The following FOXA1 variants were observed in gnomAD, a reference collection of about 807,000 sequenced individuals.
FOXA1 encodes forkhead box A1.
A neutral mutation model predicts 29.2 loss-of-function variants in FOXA1; 9 were observed. The ratio of observed to expected loss-of-function variants is 0.31; its 90% CI spans 0.19 to 0.54. The LOEUF is 0.54. Among genes scored for constraint, FOXA1 ranks in the 20% least tolerant of loss-of-function variants. The pLI, the probability that FOXA1 is intolerant of heterozygous loss-of-function variation, is 0.95. For synonymous variants in FOXA1, 340 were observed against 300.9 expected, an observed-to-expected ratio of 1.13 and a Z score of -1.34; for missense variants, 644 against 681.2, an observed-to-expected ratio of 0.95 and a Z score of 0.61.
chr14:37,593,310 G>A (rs982402588), intron 1 of FOXA1, among the ~76,000 whole-genome samples: 1 of 152,210 alleles, frequency 6.6e-6, no homozygotes, highest in Non-Finnish European at 1.5e-5. Context: ...ACTAAAAGTA[G>A]ATCCATAACA....
rs2095594872 is a variant in FOXA1 at position 37,590,999 on chromosome 14, C to T, written c.*366G>A. The T allele has an allele frequency of 2.5e-6, 1 of 406,114 alleles. No homozygotes were observed. The highest frequency in any genetic ancestry group is 4.1e-5 in the Admixed American group (1 of 24,412). The allele number at this position is 406,114 out of a possible 1,614,324, so 25.2% of individuals were successfully genotyped here. ...AATATTTTACAAACTTGACCATCTT[C>T]CTTTTTTGTTTTTTTAAATAACCCT... is the stretch of plus-strand genomic sequence containing the variant. On this transcript the variant is annotated 3_prime_UTR_variant, in exon 2 of 2. Transcript: ENST00000250448.
rs867473250 is a variant in FOXA1, at chr14:37,591,903, C to T, written c.881G>A (p.Arg294His). 1 of 1,464,860 alleles carries T rather than the reference C, an allele frequency of 6.8e-7. No individual in the cohort carries two copies. The highest frequency in any genetic ancestry group is 1.4e-5 in the African/African-American group (1 of 70,144). The allele number at this position is 1,464,860 out of a possible 1,614,324, so 90.7% of individuals were successfully genotyped here. ...GTTAGAGGCGCCAGAGGGGTCCTTGCGGCTCTCAGGGCCGCCCTTGGCGCC... is the reference window on the plus strand; with the variant it reads ...GTTAGAGGCGCCAGAGGGGTCCTTGTGGCTCTCAGGGCCGCCCTTGGCGCC... Reference protein sequence around the residue: ...GSGAKGGPESRKDPSGASNPS... With the variant: ...GSGAKGGPESHKDPSGASNPS... Residue 294 changes from arginine to histidine, a missense_variant, in exon 2 of 2, where the codon CGC (arginine) becomes CAC (histidine). Coordinates refer to ENST00000250448, the MANE Select transcript of FOXA1 (RefSeq NM_004496.5).
At chr14:37,592,845 G>T in intron 1 of FOXA1, 134 bp from the exon 2 acceptor site, 2 of 1,074,880 alleles carry the variant, frequency 1.9e-6, no homozygotes, top group Non-Finnish European at 2.8e-6. Context: ...CCCACCCGGG[G>T]CAAATGGCTA....
chr14:37,593,926 A>T, intron 1 of FOXA1: 1 of 432,514 alleles, frequency 2.3e-6, no homozygotes, highest in South Asian at 3.2e-5. Context: ...ATGAGAACAA[A>T]TAGATTTAAA....
chr14:37,595,081 C>T lies in FOXA1; in HGVS notation c.-109G>A. 1 of 870,374 alleles carries T rather than the reference C, an allele frequency of 1.1e-6. No homozygotes were observed. The highest frequency in any genetic ancestry group is 1.6e-6 in the Non-Finnish European group (1 of 612,492). The allele number at this position is 870,374 out of a possible 1,614,324, so 53.9% of individuals were successfully genotyped here. ...CTGAGCAGCTGCAGTCACCCGAGCG[C>T]CCGCGCGGGCCCAACGCCACCCGGG... On this transcript the variant is annotated 5_prime_UTR_variant, in exon 1 of 2. Coordinates refer to ENST00000250448, the MANE Select transcript of FOXA1 (RefSeq NM_004496.5).
At chr14:37,594,623 A>C in intron 1 of FOXA1, 5 of 191,434 alleles carry the variant, frequency 2.6e-5, no homozygotes, top group East Asian at 1.4e-4. Context: ...GCTGCTGGGA[A>C]GAGGCAAGCG....
rs141708256 is a variant in FOXA1, at chr14:37,592,547, G to A, written c.237C>T (p.Pro79=). The part of the protein sequence containing the change: ...ANPGLGAGLS[P]GAVAGMPGGS... The stretch of plus-strand genomic sequence containing the variant: ...CCCCCGGCATGCCGGCTACTGCGCC[G>A]GGACTCAGGCCGGCCCCTAGGCCCG... Residue 79 remains proline, a synonymous_variant, in exon 2 of 2, where the codon CCC becomes CCT. Transcript: ENST00000250448. The A allele has an allele frequency of 2.5e-6, 4 of 1,613,716 alleles. No individual in the cohort carries two copies. Among genetic ancestry groups the A allele is most frequent in the African/African-American group, 1.3e-5 (1 of 74,952 alleles).
At position 37,590,479 on chromosome 14, in the gene FOXA1, A is replaced by C. The variant is rs2095594526; in HGVS notation, c.*886T>G. 4.4e-6 allele frequency: 1 copy of C among 227,364 alleles called. No individual in the cohort carries two copies. Among genetic ancestry groups the C allele is most frequent in the African/African-American group, 2.2e-5 (1 of 45,056 alleles). The allele number at this position is 227,364 out of a possible 1,614,324, so 14.1% of individuals were successfully genotyped here. On this transcript the variant is annotated 3_prime_UTR_variant, in exon 2 of 2. Transcript: ENST00000250448. ...AATTTTATGTGTTATGTGACCTCAG[A>C]ATGACATGACCATGGCACTCTGCAA...
At position 37,591,700 on chromosome 14, in the gene FOXA1, AG is replaced by A; in HGVS notation, c.1083del (p.Ser362ProfsTer27). 1 of 1,582,046 alleles carries A rather than the reference AG, an allele frequency of 6.3e-7. No homozygotes were observed. The highest frequency in any genetic ancestry group is 8.6e-7 in the Non-Finnish European group (1 of 1,163,872). ...TPASSTAPPI[S>X]SGPGALASVP... The stretch of plus-strand genomic sequence containing the variant: ...ACAGAGGCCAGCGCCCCGGGCCCGG[AG>A]CTTATGGGGGGCGCAGTTGAGGAGG... On this transcript the variant is annotated frameshift_variant, in exon 2 of 2. Coordinates refer to ENST00000250448, the MANE Select transcript of FOXA1 (RefSeq NM_004496.5). LOFTEE classifies it high-confidence loss of function.
At chr14:37,593,048 A>C (rs1486722324) in intron 1 of FOXA1, among the ~76,000 whole-genome samples, 1 of 152,186 alleles carries the variant, frequency 6.6e-6, no homozygotes, top group African/African-American at 2.4e-5. Flanking sequence ...CGGTATCCCA[A>C]GTCTCCACCC....
In FOXA1 at chr14:37,591,544, T is replaced by C; in HGVS notation, c.1240A>G (p.Lys414Glu). The C allele has an allele frequency of 6.2e-7, 1 of 1,614,202 alleles. No individual in the cohort carries two copies. The highest frequency in any genetic ancestry group is 8.5e-7 in the Non-Finnish European group (1 of 1,180,030). Residue 414 changes from lysine to glutamate, a missense_variant, in exon 2 of 2, where the codon AAG becomes GAG. This residue lies in a region of FOXA1 where 295 missense variants were observed against 294.4 expected (regional missense o/e 1.00). Transcript: ENST00000250448. ...NLMSSSEQQH[K>E]LDFKAYEQAL... is the part of the protein sequence containing the mutation. ...TGTTCGTATGCCTTGAAGTCCAGCT[T>C]ATGCTGCTGCTCCGAGGAGGACATG...
Position 37,592,442 on chromosome 14 carries a change from G to T in FOXA1, c.342C>A (p.Gly114=), listed in dbSNP as rs372792640. 64 of 1,601,966 alleles carry T rather than the reference G, an allele frequency of 4.0e-5. No homozygotes were observed. The highest frequency in any genetic ancestry group is 4.8e-5 in the Non-Finnish European group (56 of 1,177,718). Residue 114 remains glycine, a synonymous_variant, in exon 2 of 2, where the codon GGC becomes GGA. Coordinates refer to ENST00000250448, the MANE Select transcript of FOXA1 (RefSeq NM_004496.5). ...MGTALSPSGM[G]AMGAQQAASM... ...AGGCCGCCTGCTGCGCACCCATGGC[G>T]CCCATGCCGCTCGGGCTCAGCGCCG...
intron 1 of FOXA1, chr14:37,593,933 T>C: frequency 2.1e-6 from 1 of 480,120 alleles, no homozygotes; most frequent in South Asian, 3.0e-5. Context: ...CAAATAGATT[T>C]AAATAGGAAC....
rs568122813 is a variant in FOXA1 at position 37,590,863 on chromosome 14, C to T, written c.*502G>A. On this transcript the variant is annotated 3_prime_UTR_variant, in exon 2 of 2. Transcript: ENST00000250448. ...TATTGTCTTTCAATACTTTTAAGAG[C>T]CTCTAGTGTATACTTGTTTCTTCAC... 10 of 274,902 alleles carry T rather than the reference C, an allele frequency of 3.6e-5. No homozygotes were observed. In the East Asian group the frequency reaches 5.4e-4, roughly 15 times the overall value. 17.0% of individuals were successfully genotyped at this position (274,902 alleles called of 1,614,324 possible).
chr14:37,592,654 T>C lies in FOXA1; in HGVS notation c.130A>G (p.Met44Val), dbSNP rs753616150. ...MNSGLGSMNS[M>V]NTYMTMNTMT... The stretch of plus-strand genomic sequence containing the variant: ...GTGTTCATGGTCATGTAGGTGTTCA[T>C]GGAGTTCATGGAGCCCAGGCCTGAG... The change falls in exon 2 of 2, where the codon ATG (methionine) becomes GTG (valine). Residue 44 changes from methionine (M) to valine (V), a missense_variant. Met to Val is a conservative substitution (Grantham distance 21). This residue lies in a region of FOXA1 where 309 missense variants were observed against 307.0 expected (regional missense o/e 1.01). Transcript: ENST00000250448. 8.1e-6 allele frequency: 13 copies of C among 1,614,036 alleles called. No homozygotes were observed. The Admixed American group carries it at 8.3e-5, about 10-fold the overall frequency.
At chr14:37,594,150 A>C (rs1346188396) in intron 1 of FOXA1, 4 of 1,288,526 alleles carry the variant, frequency 3.1e-6, no homozygotes, top group South Asian at 1.2e-5. Context: ...AATAATGGTA[A>C]TTAAACTTTT....
In FOXA1 at chr14:37,595,151, G is replaced by T. The variant is rs527938833; in HGVS notation, c.-179C>A. The T allele has an allele frequency of 4.5e-3, 911 of 202,306 alleles. 2 individuals carry two copies. The highest frequency in any genetic ancestry group is 5.8e-3 in the Non-Finnish European group (669 of 114,448). The allele number at this position is 202,306 out of a possible 1,614,324, so 12.5% of individuals were successfully genotyped here. A position where few individuals can be genotyped will look rare whatever the true frequency, so the allele number is the denominator to read the frequency against. ...TGCGGGGCGCGGCGTGCGCGGCGGC[G>T]GCGGCGGCGCGGCGGGCGGGGGCAG... On this transcript the variant is annotated 5_prime_UTR_variant, in exon 1 of 2. Transcript: ENST00000250448.
At position 37,592,442 on chromosome 14, in the gene FOXA1, G is replaced by C. The variant is rs372792640; in HGVS notation, c.342C>G (p.Gly114=). ...MGTALSPSGM[G]AMGAQQAASM... ...AGGCCGCCTGCTGCGCACCCATGGCGCCCATGCCGCTCGGGCTCAGCGCCG... is the reference window on the plus strand; with the variant it reads ...AGGCCGCCTGCTGCGCACCCATGGCCCCCATGCCGCTCGGGCTCAGCGCCG... The change falls in exon 2 of 2, where the codon GGC becomes GGG. Residue 114 remains glycine, a synonymous_variant. Transcript: ENST00000250448. 2 of 1,602,084 alleles carry C rather than the reference G, an allele frequency of 1.2e-6. No individual in the cohort carries two copies. The highest frequency in any genetic ancestry group is 3.4e-5 in the Admixed American group (2 of 59,494).
At position 37,591,868 on chromosome 14, in the gene FOXA1, C is replaced by G. The variant is rs2095595991; in HGVS notation, c.916G>C (p.Asp306His). The change falls in exon 2 of 2, where the codon GAC becomes CAC. Residue 306 changes from aspartate (D) to histidine (H), a missense_variant. Physicochemically the swap from Asp to His is moderately conservative, Grantham distance 81. This residue lies in a region of FOXA1 where 295 missense variants were observed against 294.4 expected (regional missense o/e 1.00). Coordinates refer to ENST00000250448, the MANE Select transcript of FOXA1 (RefSeq NM_004496.5). Reference sequence around the variant, plus strand: ...TGCACACCCCGATGGAGGGGCGAGTCGGCGCTGGGGTTAGAGGCGCCAGAG... The same window carrying G: ...TGCACACCCCGATGGAGGGGCGAGTGGGCGCTGGGGTTAGAGGCGCCAGAG... ...DPSGASNPSA[D>H]SPLHRGVHGK... The G allele has an allele frequency of 4.1e-6, 6 of 1,450,942 alleles. No homozygotes were observed. Among genetic ancestry groups the G allele is most frequent in the Non-Finnish European group, 5.4e-6 (6 of 1,107,274 alleles). 89.9% of individuals were successfully genotyped at this position (1,450,942 alleles called of 1,614,324 possible).
Sources: gnomAD v4.1 joint callset for allele counts (sites outside exome capture counted in the v4.1 genomes callset) on GRCh38, gnomAD v4.1.1 for gene constraint, gnomAD v4.1.1 regional missense constraint, MANE v1.5 for transcripts, NCBI Gene and HGNC (gene_info 2026-07-23, HGNC 2026-07-21) for gene names.